Variants in REC114 observed in about 807,000 individuals in gnomAD.
The protein encoded by REC114 is REC114 meiotic recombination protein, also known as meiotic recombination protein REC114.
REC114 carries 27 observed loss-of-function variants against 31.3 expected under a neutral mutation model. The ratio of observed to expected loss-of-function variants is 0.86; its 90% confidence interval spans 0.64 to 1.19. REC114 has a LOEUF of 1.19. Among genes scored for constraint, REC114 ranks in the 50% most tolerant of loss-of-function variants. The probability of loss-of-function intolerance (pLI) is 0.00; values close to 1 mark genes in which losing one functional copy is unlikely to be tolerated. For synonymous variants in REC114, 134 were observed against 127.7 expected, an observed-to-expected ratio of 1.05 and a Z score of -0.33; for missense variants, 344 against 326.9, an observed-to-expected ratio of 1.05 and a Z score of -0.40.
Position 73,461,774 on chromosome 15 carries a change from G to A in REC114, c.160-12058G>A, listed in dbSNP as rs192518864. Reference sequence around the variant, plus strand: ...TACTGCCATAGGCGGAGGTCATATTGATGTCAATGTTAAGCTACGTTTAGA... The same window carrying A: ...TACTGCCATAGGCGGAGGTCATATTAATGTCAATGTTAAGCTACGTTTAGA... On this transcript the variant is annotated intron_variant, in intron 1 of 5. Coordinates refer to ENST00000331090, the MANE Select transcript of REC114 (RefSeq NM_001042367.2). Among the ~76,000 whole-genome samples, 52 of 152,142 alleles carry A rather than the reference G, an allele frequency of 3.4e-4. No individual in the cohort carries two copies. In the Middle Eastern group the frequency reaches 0.01, roughly 30 times the overall value.
rs147888937 is a variant in REC114, at chr15:73,476,800, GGT to G, written c.249+2880_249+2881del. 1.9e-3 allele frequency among the ~76,000 whole-genome samples: 284 copies of G among 152,216 alleles called. 1 individual carries two copies. The highest frequency in any genetic ancestry group is 6.5e-3 in the African/African-American group (269 of 41,544). On this transcript the variant is annotated intron_variant, in intron 2 of 5. Transcript: ENST00000331090. ...TTCAACTTTTGATAGACATTGGGGTGGTTTTCATTTTTTCAGCTGTTATGAAT... is the reference window on the plus strand; with the variant it reads ...TTCAACTTTTGATAGACATTGGGGTGTTTCATTTTTTCAGCTGTTATGAAT...
At chr15:73,528,981 C>T (rs1041195251) in intron 2 of REC114, among the ~76,000 whole-genome samples, 12 of 152,024 alleles carry the variant, frequency 7.9e-5, no homozygotes, top group Non-Finnish European at 1.6e-4. Context: ...CTATTCAAAA[C>T]ACCATGTTTA....
At position 73,556,217 on chromosome 15, in the gene REC114, G is replaced by A. The variant is rs547649692; in HGVS notation, c.547-85G>A. ...AGTGGTATTTTCTTTCTTTGAACATGAATGCATATTTCTGCTCTTTAATGG... is the reference window on the plus strand; with the variant it reads ...AGTGGTATTTTCTTTCTTTGAACATAAATGCATATTTCTGCTCTTTAATGG... On this transcript the variant is annotated intron_variant, in intron 4 of 5. Coordinates refer to ENST00000331090, the MANE Select transcript of REC114 (RefSeq NM_001042367.2). The A allele has an allele frequency of 6.2e-6, 7 of 1,120,422 alleles. No homozygotes were observed. The East Asian group carries it at 1.5e-4, about 23-fold the overall frequency. The allele number at this position is 1,120,422 out of a possible 1,614,324, so 69.4% of individuals were successfully genotyped here.
intron 1 of REC114, among the ~76,000 whole-genome samples, chr15:73,461,315 G>A (rs1339324211): frequency 6.6e-6 from 1 of 152,020 alleles, no homozygotes; most frequent in African/African-American, 2.4e-5. Flanking sequence ...TCAGTGGGAA[G>A]GCAGTTGATA....
At chr15:73,516,220 A>T (rs1893856603) in intron 2 of REC114, among the ~76,000 whole-genome samples, 1 of 152,108 alleles carries the variant, frequency 6.6e-6, no homozygotes, top group Non-Finnish European at 1.5e-5. Context: ...TCCTGACCTC[A>T]GGTGATCTGC....
intron 2 of REC114, among the ~76,000 whole-genome samples, chr15:73,520,659 T>G (rs1423822663): frequency 6.6e-6 from 1 of 152,246 alleles, no homozygotes; most frequent in Non-Finnish European, 1.5e-5. Context: ...GATATGCCTC[T>G]GAACTATGTG....
At chr15:73,458,940 G>A (rs1435962462) in intron 1 of REC114, among the ~76,000 whole-genome samples, 1 of 152,204 alleles carries the variant, frequency 6.6e-6, no homozygotes, top group East Asian at 1.9e-4. Context: ...CTGGCAGTCT[G>A]CCACACAGTT....
chr15:73,461,801 T>A (rs1892990659), intron 1 of REC114, among the ~76,000 whole-genome samples: 1 of 152,126 alleles, frequency 6.6e-6, no homozygotes, highest in South Asian at 2.1e-4. Context: ...ACGTTTAGAT[T>A]GGCAACTGGA....
At position 73,476,189 on chromosome 15, in the gene REC114, A is replaced by G. The variant is rs1264361230; in HGVS notation, c.249+2268A>G. 3.9e-5 allele frequency among the ~76,000 whole-genome samples: 6 copies of G among 152,254 alleles called. No individual in the cohort carries two copies. In the East Asian group the frequency reaches 1.2e-3, roughly 29 times the overall value. The stretch of plus-strand genomic sequence containing the variant: ...TTAAGTGACATATGACTATACATAT[A>G]TAACTTAAATATTGTAATTTGTTTA... On this transcript the variant is annotated intron_variant, in intron 2 of 5. Coordinates refer to ENST00000331090, the MANE Select transcript of REC114 (RefSeq NM_001042367.2).
chr15:73,505,543 TG>T (rs1431731067), intron 2 of REC114, among the ~76,000 whole-genome samples: 3 of 152,084 alleles, frequency 2.0e-5, no homozygotes, highest in African/African-American at 7.2e-5. Context: ...CTTTTTTTTT[TG>T]TTTTTGAGAT....
chr15:73,495,899 C>A (rs1893515448), intron 2 of REC114, among the ~76,000 whole-genome samples: 1 of 152,098 alleles, frequency 6.6e-6, no homozygotes, highest in African/African-American at 2.4e-5. Context: ...CTTCTTAAAT[C>A]TTTAATATTT....
At chr15:73,487,145 G>A (rs978210778) in intron 2 of REC114, among the ~76,000 whole-genome samples, 3 of 152,040 alleles carry the variant, frequency 2.0e-5, no homozygotes, top group Admixed American at 6.6e-5. Context: ...TATCATATTG[G>A]CAATTAAGTT....
At chr15:73,525,179 A>G (rs887692235) in intron 2 of REC114, among the ~76,000 whole-genome samples, 1 of 152,152 alleles carries the variant, frequency 6.6e-6, no homozygotes, top group African/African-American at 2.4e-5. Context: ...ACATGAGCCA[A>G]GTTGTACTAT....
chr15:73,559,778 C>T lies in REC114; in HGVS notation c.663C>T (p.Pro221=). The T allele has an allele frequency of 1.3e-6, 2 of 1,595,978 alleles. No individual in the cohort carries two copies. Among genetic ancestry groups the T allele is most frequent in the East Asian group, 2.3e-5 (1 of 43,880 alleles). Residue 221 remains proline, a synonymous_variant, in exon 6 of 6, where the codon CCC becomes CCT. Coordinates refer to ENST00000331090, the MANE Select transcript of REC114 (RefSeq NM_001042367.2). Reference sequence around the variant, plus strand: ...CTCTTCTGGCATCGGAGGAGCTGCCCCATGTCTATGAACAATCTGCATGGG... The same window carrying T: ...CTCTTCTGGCATCGGAGGAGCTGCCTCATGTCTATGAACAATCTGCATGGG... ...AQTLLASEEL[P]HVYEQSAWGA...
At chr15:73,502,802 T>G (rs1315621021) in intron 2 of REC114, among the ~76,000 whole-genome samples, 2 of 152,216 alleles carry the variant, frequency 1.3e-5, no homozygotes, top group Non-Finnish European at 2.9e-5. Context: ...TTTGAAAATT[T>G]TATGTTGATT....
chr15:73,481,565 C>T (rs1205320245), intron 2 of REC114, among the ~76,000 whole-genome samples: 2 of 150,670 alleles, frequency 1.3e-5, no homozygotes, highest in African/African-American at 4.9e-5. Flanking sequence ...TGAACAGATT[C>T]TCCCTTGGCC....
intron 3 of REC114, among the ~76,000 whole-genome samples, chr15:73,549,232 G>C (rs1298553354): frequency 6.6e-6 from 1 of 152,116 alleles, no homozygotes; most frequent in Non-Finnish European, 1.5e-5. Flanking sequence ...TGGAACTGGG[G>C]GTCATTACGT....
intron 2 of REC114, among the ~76,000 whole-genome samples, chr15:73,478,288 G>A (rs1008221042): frequency 4.5e-3 from 545 of 120,738 alleles, no homozygotes; most frequent in Middle Eastern, 9.1e-3. Context: ...AAAAAAAAAA[G>A]AATTTGGGTT....
intron 2 of REC114, among the ~76,000 whole-genome samples, chr15:73,538,612 G>A (rs1461306111): frequency 4.0e-5 from 6 of 151,368 alleles, no homozygotes; most frequent in East Asian, 2.0e-4. Flanking sequence ...ACCCGCCACC[G>A]CACCCAGCTA....
Sources: gnomAD v4.1 joint callset for allele counts (sites outside exome capture counted in the v4.1 genomes callset) on GRCh38, gnomAD v4.1.1 for gene constraint, MANE v1.5 for transcripts, NCBI Gene and HGNC (gene_info 2026-07-23, HGNC 2026-07-21) for gene names.